The following RAB35 variants were observed in gnomAD, a reference collection of about 807,000 sequenced individuals.
The protein encoded by RAB35 is RAB35, member RAS oncogene family.
RAB35 carries 4 observed loss-of-function variants against 28.9 expected under a neutral mutation model. The observed-to-expected ratio is 0.14, with a 90% CI of 0.07 to 0.32. The LOEUF is 0.32. Among genes scored for constraint, RAB35 ranks in the 10% least tolerant of loss-of-function variants. The pLI is 1.00. For synonymous variants in RAB35, 99 were observed against 105.1 expected (o/e 0.94, Z 0.35); for missense variants, 128 against 274.0 (o/e 0.47, Z 3.76).
intron 2 of RAB35, among the ~76,000 whole-genome samples, chr12:120,104,497 G>A (rs1435478471): frequency 6.6e-6 from 1 of 152,186 alleles, no homozygotes; most frequent in Non-Finnish European, 1.5e-5. Flanking sequence ...GGCAGAAAGT[G>A]GCGAGGCCAG....
In RAB35 at chr12:120,103,778, C is replaced by T. The variant is rs745722063; in HGVS notation, c.227+48G>A. On this transcript the variant is annotated intron_variant, in intron 3 of 5. Coordinates refer to ENST00000229340, the MANE Select transcript of RAB35 (RefSeq NM_006861.7). The surrounding 1 kb of genome is among the most constrained non-coding windows in gnomAD (Gnocchi z 6.1). ...CCAGGCACCGGTCGCTCAACTGTGT[C>T]CACAGGTCAGTGGCGCGGGTTGGGT... 6.2e-7 allele frequency: 1 copy of T among 1,607,780 alleles called. No homozygotes were observed. Among genetic ancestry groups the T allele is most frequent in the Admixed American group, 1.7e-5 (1 of 59,746 alleles).
In RAB35 at chr12:120,103,611, AG is replaced by A. The variant is rs2139052928; in HGVS notation, c.227+214del. On this transcript the variant is annotated intron_variant, in intron 3 of 5. Coordinates refer to ENST00000229340, the MANE Select transcript of RAB35 (RefSeq NM_006861.7). The surrounding 1 kb of genome is among the most constrained non-coding windows in gnomAD (Gnocchi z 6.1). ...GCCACTGTCCGGCCAGACTCCAGCC[AG>A]GGTGCTCAGCGACTCCCCCACAGCA... Among the ~76,000 whole-genome samples, 1 of 152,328 alleles carries A rather than the reference AG, an allele frequency of 6.6e-6. No individual in the cohort carries two copies. Among genetic ancestry groups the A allele is most frequent in the Non-Finnish European group, 1.5e-5 (1 of 68,024 alleles).
chr12:120,106,847 A>C (rs1164006372), intron 2 of RAB35, among the ~76,000 whole-genome samples: 2 of 151,870 alleles, frequency 1.3e-5, no homozygotes, highest in African/African-American at 4.8e-5. Flanking sequence ...TCGGCCTCCC[A>C]AAGTGCTAGG....
At chr12:120,098,694 A>G in intron 5 of RAB35, 117 bp downstream of exon 5, 3 of 1,432,428 alleles carry the variant, frequency 2.1e-6, no homozygotes, top group Non-Finnish European at 2.8e-6. Context: ...TAGGCACTCA[A>G]TAAATGGCAG....
chr12:120,104,032 G>T, intron 2 of RAB35, 83 bp from the exon 3 acceptor site: 3 of 1,546,248 alleles, frequency 1.9e-6, no homozygotes. Flanking sequence ...CACACCCCCA[G>T]GCTCCCCCAC....
intron 1 of RAB35, among the ~76,000 whole-genome samples, chr12:120,110,290 A>AGTTTTTTTTTTTTTT (rs1555297145): frequency 1.1e-5 from 1 of 88,596 alleles, no homozygotes; most frequent in Non-Finnish European, 2.0e-5. Flanking sequence ...AGCCCACAGC[A>AGTTTTTTTTTTTTTT]TTTTTTTTTT....
chr12:120,100,674 C>T (rs983120247), intron 3 of RAB35, among the ~76,000 whole-genome samples: 2 of 152,186 alleles, frequency 1.3e-5, no homozygotes, highest in African/African-American at 4.8e-5. Flanking sequence ...ATCCTCAACA[C>T]GACCGCTGGG....
chr12:120,111,236 C>T (rs1841964685), intron 1 of RAB35, among the ~76,000 whole-genome samples: 1 of 152,232 alleles, frequency 6.6e-6, no homozygotes, highest in Admixed American at 6.5e-5. Context: ...TTCCAAACTT[C>T]TGCAGGGCAG....
intron 3 of RAB35, among the ~76,000 whole-genome samples, chr12:120,100,008 C>T (rs549770628): frequency 3.3e-5 from 5 of 152,230 alleles, no homozygotes; most frequent in Admixed American, 1.3e-4. Flanking sequence ...CCGCAGGGAC[C>T]TCCACCCCAG....
In RAB35 at chr12:120,103,541, C is replaced by T. The variant is rs1284873150; in HGVS notation, c.227+285G>A. On this transcript the variant is annotated intron_variant, in intron 3 of 5. Transcript: ENST00000229340. This position sits in a 1 kb window ranked among gnomAD's most constrained non-coding sequence, Gnocchi z 6.1. The stretch of plus-strand genomic sequence containing the variant: ...CTGCTCTCTCTGTAAGGTGACGGCA[C>T]AGTGGGCCGGAGGGTCGGCTGACTC... Among the ~76,000 whole-genome samples the T allele has an allele frequency of 6.6e-6, 1 of 152,232 alleles. No homozygotes were observed. The highest frequency in any genetic ancestry group is 1.9e-4 in the East Asian group (1 of 5,198).
At chr12:120,110,508 G>A (rs1392841781) in intron 1 of RAB35, among the ~76,000 whole-genome samples, 1 of 151,932 alleles carries the variant, frequency 6.6e-6, no homozygotes, top group Non-Finnish European at 1.5e-5. Flanking sequence ...GCCCGCTTCT[G>A]CCTCCCAAGG....
Position 120,096,356 on chromosome 12 carries a change from G to A in RAB35, c.*889C>T. ...GCTGCTGTGCCAATCAAACCTCAGG[G>A]AAAGAAAATAATTGTGAGGAATTTA... On this transcript the variant is annotated 3_prime_UTR_variant, in exon 6 of 6. Transcript: ENST00000229340. The A allele has an allele frequency of 8.4e-7, 1 of 1,184,386 alleles. No homozygotes were observed. The highest frequency in any genetic ancestry group is 1.6e-5 in the African/African-American group (1 of 62,992). The allele number at this position is 1,184,386 out of a possible 1,614,324, so 73.4% of individuals were successfully genotyped here. A position where few individuals can be genotyped will look rare whatever the true frequency, so the allele number is the denominator to read the frequency against.
At chr12:120,106,560 G>C (rs1424821806) in intron 2 of RAB35, among the ~76,000 whole-genome samples, 1 of 151,144 alleles carries the variant, frequency 6.6e-6, no homozygotes, top group Non-Finnish European at 1.5e-5. Context: ...TCTCCACCAA[G>C]AGACATCAGC....
At chr12:120,107,042 G>A (rs1294466261) in intron 2 of RAB35, among the ~76,000 whole-genome samples, 1 of 151,982 alleles carries the variant, frequency 6.6e-6, no homozygotes, top group Non-Finnish European at 1.5e-5. Flanking sequence ...AGGCTGGAGT[G>A]CAGTGGTGCC....
At position 120,097,368 on chromosome 12, in the gene RAB35, G is replaced by A; in HGVS notation, c.483C>T (p.Phe161=). Residue 161 remains phenylalanine, a synonymous_variant, in exon 6 of 6, where the codon TTC becomes TTT. Coordinates refer to ENST00000229340, the MANE Select transcript of RAB35 (RefSeq NM_006861.7). ...AKENVNVEEM[F]NCITELVLRA... is the part of the protein sequence containing the mutation. ...GGAGGACCAGCTCCGTGATGCAGTT[G>A]AACATCTGTGGAGAGGAAAGAGGAA... 6.2e-7 allele frequency: 1 copy of A among 1,611,214 alleles called. No individual in the cohort carries two copies. Among genetic ancestry groups the A allele is most frequent in the South Asian group, 1.1e-5 (1 of 90,822 alleles).
At position 120,105,234 on chromosome 12, in the gene RAB35, A is replaced by G. The variant is rs185983819; in HGVS notation, c.104-1285T>C. Reference sequence around the variant, plus strand: ...TAGGTAGGGGAACGACATCCCACTCAAAAGCAAATAGCTGAGGATGATACG... The same window carrying G: ...TAGGTAGGGGAACGACATCCCACTCGAAAGCAAATAGCTGAGGATGATACG... On this transcript the variant is annotated intron_variant, in intron 2 of 5. Transcript: ENST00000229340. 2.0e-5 allele frequency among the ~76,000 whole-genome samples: 3 copies of G among 152,326 alleles called. No homozygotes were observed. In the East Asian group the frequency reaches 5.8e-4, roughly 29 times the overall value.
intron 2 of RAB35, among the ~76,000 whole-genome samples, chr12:120,106,171 C>T (rs544831500): frequency 6.6e-6 from 1 of 152,168 alleles, no homozygotes; most frequent in African/African-American, 2.4e-5. Context: ...AACAACAAGC[C>T]CTCCAAGCAC....
intron 1 of RAB35, chr12:120,108,805 G>T: frequency 2.2e-6 from 1 of 456,104 alleles, no homozygotes; most frequent in South Asian, 1.8e-5. Flanking sequence ...TCAACCACAC[G>T]AAACGGCCCC....
At chr12:120,111,843 G>A (rs761248549) in intron 1 of RAB35, among the ~76,000 whole-genome samples, 2 of 152,064 alleles carry the variant, frequency 1.3e-5, no homozygotes, top group African/African-American at 2.4e-5. Context: ...AGGCTTCCTC[G>A]GAAACACAAG....
Sources: allele counts gnomAD v4.1 joint callset (sites outside exome capture counted in the v4.1 genomes callset), GRCh38; gene constraint gnomAD v4.1.1; non-coding constraint Gnocchi (gnomAD v3.1); transcripts MANE v1.5; gene names NCBI Gene and HGNC (gene_info 2026-07-23, HGNC 2026-07-21).